Variants in NEMF observed in about 807,000 individuals in gnomAD.
NEMF encodes nuclear export mediator factor, also known as ribosome quality control complex subunit NEMF.
A neutral mutation model predicts 162.2 loss-of-function variants in NEMF; 89 were observed. The observed-to-expected ratio is 0.55, with a 90% CI of 0.46 to 0.65. The LOEUF (loss-of-function observed/expected upper bound fraction) is 0.65, where lower values mean the gene tolerates loss of function less well. NEMF is among the 30% of genes least tolerant of loss of function. The pLI is 0.00. For missense variants in NEMF, 1,133 were observed against 1,261.9 expected, an observed-to-expected ratio of 0.90 and a Z score of 1.55; for synonymous variants, 421 against 404.5, an observed-to-expected ratio of 1.04 and a Z score of -0.49.
intron 26 of NEMF, among the ~76,000 whole-genome samples, chr14:49,792,067 CAGG>C (rs1264195702): frequency 1.3e-5 from 2 of 151,706 alleles, no homozygotes; most frequent in Non-Finnish European, 2.9e-5. Context: ...TGCTTGAGCC[CAGG>C]AGGTCGAGGC....
Position 49,799,189 on chromosome 14 carries a change from C to G in NEMF, c.2465+286G>C, listed in dbSNP as rs967523165. Among the ~76,000 whole-genome samples the G allele has an allele frequency of 8.5e-5, 7 of 82,352 alleles. No homozygotes were observed. The Admixed American group carries it at 1.4e-3, about 17-fold the overall frequency. 54.0% of individuals were successfully genotyped at this position (82,352 alleles called of 152,430 possible). A position where few individuals can be genotyped will look rare whatever the true frequency, so the allele number is the denominator to read the frequency against. ...CGCCATAGCACTCTAGCCTGGGCAA[C>G]AAAGCGAGACCCTGTTTCAAAAAAA... is the stretch of plus-strand genomic sequence containing the variant. On this transcript the variant is annotated intron_variant, in intron 25 of 32. Transcript: ENST00000298310.
In NEMF at chr14:49,784,411, A is replaced by G. The variant is rs1402631108; in HGVS notation, c.*225T>C. Reference sequence around the variant, plus strand: ...GAATAACTACAGATGTATATTAATTAGCATTTAACTGTCCACAAATACTTT... The same window carrying G: ...GAATAACTACAGATGTATATTAATTGGCATTTAACTGTCCACAAATACTTT... On this transcript the variant is annotated 3_prime_UTR_variant, in exon 33 of 33. Coordinates refer to ENST00000298310, the MANE Select transcript of NEMF (RefSeq NM_004713.6). 5 of 432,518 alleles carry G rather than the reference A, an allele frequency of 1.2e-5. No homozygotes were observed. Among genetic ancestry groups the G allele is most frequent in the Non-Finnish European group, 2.0e-5 (5 of 243,952 alleles). 26.8% of individuals were successfully genotyped at this position (432,518 alleles called of 1,614,324 possible). A position where few individuals can be genotyped will look rare whatever the true frequency, so the allele number is the denominator to read the frequency against.
intron 17 of NEMF, among the ~76,000 whole-genome samples, chr14:49,814,259 C>T (rs1216344534): frequency 6.6e-6 from 1 of 152,036 alleles, no homozygotes; most frequent in Non-Finnish European, 1.5e-5. Context: ...ACCACCACGT[C>T]CAGCTAATTT....
In NEMF at chr14:49,805,579, T is replaced by TA. The variant is rs1173593154; in HGVS notation, c.1857+441dup. ...GGCAATTAATAAAAACAAGTGAATT[T>TA]AAAAAAAAAAACAAACAGGATATGC... On this transcript the variant is annotated intron_variant, in intron 19 of 32. Coordinates refer to ENST00000298310, the MANE Select transcript of NEMF (RefSeq NM_004713.6). Among the ~76,000 whole-genome samples, 177 of 144,514 alleles carry TA rather than the reference T, an allele frequency of 1.2e-3. 1 individual carries two copies. The highest frequency in any genetic ancestry group is 6.8e-3 in the East Asian group (34 of 4,982). 94.8% of individuals were successfully genotyped at this position (144,514 alleles called of 152,430 possible). A position where few individuals can be genotyped will look rare whatever the true frequency, so the allele number is the denominator to read the frequency against.
chr14:49,810,028 C>A (rs1032402810), intron 18 of NEMF, among the ~76,000 whole-genome samples: 1 of 151,958 alleles, frequency 6.6e-6, no homozygotes, highest in Admixed American at 6.6e-5. Context: ...ACTATACATT[C>A]TGCTCAATTT....
chr14:49,823,448 T>C (rs1253570503), intron 16 of NEMF, among the ~76,000 whole-genome samples: 4 of 150,800 alleles, frequency 2.7e-5, no homozygotes, highest in Admixed American at 1.3e-4. Context: ...GCCAGGAACA[T>C]TATGTTGAAA....
chr14:49,782,740 GA>G lies in NEMF; in HGVS notation c.*1895del. ...GTTCCTATGAAAATCTTTGAAGAAAGAAAGAGGGATGTTTTATGTAGTTTTT... is the reference window on the plus strand; with the variant it reads ...GTTCCTATGAAAATCTTTGAAGAAAGAAGAGGGATGTTTTATGTAGTTTTT... On this transcript the variant is annotated 3_prime_UTR_variant, in exon 33 of 33. Transcript: ENST00000298310. 6.8e-7 allele frequency: 1 copy of G among 1,472,532 alleles called. No individual in the cohort carries two copies. Among genetic ancestry groups the G allele is most frequent in the Middle Eastern group, 1.9e-4 (1 of 5,334 alleles). 91.2% of individuals were successfully genotyped at this position (1,472,532 alleles called of 1,614,324 possible). A position where few individuals can be genotyped will look rare whatever the true frequency, so the allele number is the denominator to read the frequency against.
chr14:49,783,988 G>GACTT lies in NEMF; in HGVS notation c.*644_*647dup, dbSNP rs1890039363. ...TATATATTAGATGTTATATACAGTA[G>GACTT]ACTTACCAAGTCAATAGTTTAAGCA... On this transcript the variant is annotated 3_prime_UTR_variant, in exon 33 of 33. Coordinates refer to ENST00000298310, the MANE Select transcript of NEMF (RefSeq NM_004713.6). 6.6e-6 allele frequency: 1 copy of GACTT among 151,950 alleles called. No individual in the cohort carries two copies. The highest frequency in any genetic ancestry group is 2.4e-5 in the African/African-American group (1 of 41,374). The allele number at this position is 151,950 out of a possible 1,614,324, so 9.4% of individuals were successfully genotyped here. A position where few individuals can be genotyped will look rare whatever the true frequency, so the allele number is the denominator to read the frequency against.
chr14:49,833,558 A>G (rs1400435742), intron 7 of NEMF, 62 bp from the exon 8 acceptor site: 1 of 1,065,246 alleles, frequency 9.4e-7, no homozygotes. Flanking sequence ...AACCGTGGCT[A>G]AACAACTATG....
At chr14:49,800,360 A>T in intron 23 of NEMF, 60 bp downstream of exon 23, 45 of 1,071,396 alleles carry the variant, frequency 4.2e-5, no homozygotes, top group Non-Finnish European at 5.3e-5. Context: ...CTTTGTAAGG[A>T]TTACCTCATC....
chr14:49,797,545 G>A (rs112922459), intron 25 of NEMF: 195 of 152,306 alleles, frequency 1.3e-3, no homozygotes, highest in African/African-American at 4.5e-3. Context: ...TAAGGCAGGA[G>A]AATAGCATGA....
intron 16 of NEMF, among the ~76,000 whole-genome samples, chr14:49,818,142 C>T (rs1891812747): frequency 6.8e-6 from 1 of 147,314 alleles, no homozygotes; most frequent in Non-Finnish European, 1.5e-5. Context: ...GACTGGAGTG[C>T]AGTGGCCCGA....
chr14:49,803,517 T>C (rs1163940007), intron 19 of NEMF, among the ~76,000 whole-genome samples: 1 of 151,390 alleles, frequency 6.6e-6, no homozygotes, highest in African/African-American at 2.4e-5. Flanking sequence ...ACTACATCAA[T>C]AATTTTCTTT....
intron 28 of NEMF, among the ~76,000 whole-genome samples, chr14:49,788,910 C>T (rs1890312582): frequency 6.6e-6 from 1 of 152,140 alleles, no homozygotes; most frequent in South Asian, 2.1e-4. Context: ...CTCCTTAAAA[C>T]TGATTACTTC....
intron 28 of NEMF, among the ~76,000 whole-genome samples, chr14:49,788,319 T>C (rs977604347): frequency 1.3e-5 from 2 of 150,272 alleles, no homozygotes; most frequent in African/African-American, 2.4e-5. Context: ...TACATATTCA[T>C]GTAAGAAGAT....
Position 49,834,360 on chromosome 14 carries a change from T to C in NEMF, c.661+3A>G. 1 of 1,576,252 alleles carries C rather than the reference T, an allele frequency of 6.3e-7. No individual in the cohort carries two copies. The highest frequency in any genetic ancestry group is 1.1e-5 in the South Asian group (1 of 90,230). ...AAATGAAAAATGTACCATGCAGACA[T>C]ACCTTTAGTTTCAAGTTTTTCATCC... On this transcript the variant is annotated splice_donor_region_variant and intron_variant, in intron 7 of 32. Transcript: ENST00000298310.
Position 49,841,196 on chromosome 14 carries a change from C to CAAA in NEMF, c.358-333_358-331dup, listed in dbSNP as rs34039009. On this transcript the variant is annotated intron_variant, in intron 4 of 32. Transcript: ENST00000298310. Reference sequence around the variant, plus strand: ...TGGGCAACAAGAGCAAACTCTGTCTCAAAAAAAAAAAAAAAAAAAAAGGAA... The same window carrying CAAA: ...TGGGCAACAAGAGCAAACTCTGTCTCAAAAAAAAAAAAAAAAAAAAAAAAGGAA... 2.9e-3 allele frequency among the ~76,000 whole-genome samples: 167 copies of CAAA among 56,792 alleles called. 2 individuals carry two copies. Among genetic ancestry groups the CAAA allele is most frequent in the African/African-American group, 0.012 (154 of 13,262 alleles). The allele number at this position is 56,792 out of a possible 152,430, so 37.3% of individuals were successfully genotyped here.
chr14:49,790,065 A>G (rs1890368558), intron 26 of NEMF, among the ~76,000 whole-genome samples: 1 of 152,142 alleles, frequency 6.6e-6, no homozygotes, highest in Non-Finnish European at 1.5e-5. Flanking sequence ...TAAACTATAA[A>G]CATCTAGGCC....
intron 6 of NEMF, among the ~76,000 whole-genome samples, chr14:49,837,776 G>C (rs1892976813): frequency 6.9e-6 from 1 of 144,296 alleles, no homozygotes; most frequent in African/African-American, 2.6e-5. Flanking sequence ...GGGATCAAAA[G>C]GACCTGTCAG....
Sources: allele counts gnomAD v4.1 joint callset (sites outside exome capture counted in the v4.1 genomes callset), GRCh38; gene constraint gnomAD v4.1.1; transcripts MANE v1.5; gene names NCBI Gene and HGNC (gene_info 2026-07-23, HGNC 2026-07-21).